Variants in AAAS observed in about 807,000 individuals in gnomAD.
AAAS encodes the protein aladin WD repeat nucleoporin, also known as aladin.
AAAS carries 60 observed loss-of-function variants against 75.6 expected under a neutral mutation model. The observed-to-expected ratio is 0.79, with a 90% CI of 0.64 to 0.98. The LOEUF (loss-of-function observed/expected upper bound fraction) is 0.98. AAAS is among the 50% of genes least tolerant of loss of function. AAAS has a pLI of 0.00. For missense variants in AAAS, 658 were observed against 686.9 expected, an observed-to-expected ratio of 0.96 and a Z score of 0.47; for synonymous variants, 271 against 265.0, an observed-to-expected ratio of 1.02 and a Z score of -0.22.
Position 53,315,364 on chromosome 12 carries a change from G to A in AAAS, c.370C>T (p.Leu124Phe). 6.2e-7 allele frequency: 1 copy of A among 1,614,160 alleles called. No individual in the cohort carries two copies. The highest frequency in any genetic ancestry group is 8.5e-7 in the Non-Finnish European group (1 of 1,180,036). The change falls in exon 4 of 16, where the codon CTC (leucine) becomes TTC (phenylalanine). Residue 124 changes from leucine to phenylalanine, a missense_variant. Physicochemically the swap from Leu to Phe is conservative, Grantham distance 22. Coordinates refer to ENST00000209873, the MANE Select transcript of AAAS (RefSeq NM_015665.6). Reference protein sequence around the residue: ...ALALCRWASSLHGSLFPHLSL... With the variant: ...ALALCRWASSFHGSLFPHLSL... ...AGATGGGGGAACAGGGACCCATGGA[G>A]GGAAGAGGCCCATCGACAGAGTGCC...
Position 53,314,396 on chromosome 12 carries a change from C to G in AAAS, c.591G>C (p.Ala197=). The G allele has an allele frequency of 1.2e-6, 2 of 1,614,128 alleles. No individual in the cohort carries two copies. Among genetic ancestry groups the G allele is most frequent in the Non-Finnish European group, 1.7e-6 (2 of 1,180,010 alleles). The change falls in exon 7 of 16, where the codon GCG becomes GCC. Residue 197 remains alanine, a synonymous_variant. Transcript: ENST00000209873. ...SLKHRLQRNV[A]SLAWKPLSAS... is the part of the protein sequence containing the mutation. ...CACTAAGGGGCTTCCAGGCCAGAGA[C>G]GCCACATTTCGCTGCAGCCGGTGCT... is the stretch of plus-strand genomic sequence containing the variant.
rs201103082 is a variant in AAAS, at chr12:53,308,730, C to T, written c.1082G>A (p.Arg361His). 87 of 1,614,114 alleles carry T rather than the reference C, an allele frequency of 5.4e-5. No homozygotes were observed. The Middle Eastern group carries it at 8.2e-4, about 15-fold the overall frequency. Residue 361 changes from arginine to histidine, a missense_variant, in exon 11 of 16, where the codon CGT becomes CAT. Coordinates refer to ENST00000209873, the MANE Select transcript of AAAS (RefSeq NM_015665.6). ...PLIYSLSFPE[R>H]CGEGKGCVGG... ...GAAGTGTTGCCCTAACTCACCACAA[C>T]GTTCTGGAAAAGACAGGGAGTAAAT... is the stretch of plus-strand genomic sequence containing the variant.
chr12:53,316,764 C>CAAAAAAAAAAAAAAA (rs34520642), intron 2 of AAAS, among the ~76,000 whole-genome samples: 42 of 77,084 alleles, frequency 5.4e-4, no homozygotes, highest in South Asian at 9.6e-4. Flanking sequence ...CCATCTCAGA[C>CAAAAAAAAAAAAAAA]AAAAAAAAAA....
At position 53,315,407 on chromosome 12, in the gene AAAS, C is replaced by T. The variant is rs190876509; in HGVS notation, c.327G>A (p.Thr109=). 93 of 1,613,314 alleles carry T rather than the reference C, an allele frequency of 5.8e-5. No individual in the cohort carries two copies. The highest frequency in any genetic ancestry group is 4.4e-5 in the South Asian group (4 of 91,024). ...SEEEVFEWVK[T]ASGWALALCR... ...AGAGTGCCAGGGCCCAGCCGGATGCCGTCTTCACCCACTCAAACACTGTAG... is the reference window on the plus strand; with the variant it reads ...AGAGTGCCAGGGCCCAGCCGGATGCTGTCTTCACCCACTCAAACACTGTAG... Residue 109 remains threonine (T), a synonymous_variant, in exon 4 of 16, where the codon ACG becomes ACA. Coordinates refer to ENST00000209873, the MANE Select transcript of AAAS (RefSeq NM_015665.6).
chr12:53,314,229 C>T (rs1031770747), intron 7 of AAAS, 69 bp downstream of exon 7: 6 of 1,607,244 alleles, frequency 3.7e-6, no homozygotes, highest in Non-Finnish European at 5.1e-6. Flanking sequence ...TTTCAGACGT[C>T]CTCACCACCC....
Position 53,314,389 on chromosome 12 carries a change from C to G in AAAS, c.598G>C (p.Ala200Pro). 6.2e-7 allele frequency: 1 copy of G among 1,614,148 alleles called. No homozygotes were observed. Among genetic ancestry groups the G allele is most frequent in the Non-Finnish European group, 8.5e-7 (1 of 1,180,014 alleles). ...ACAGAGGCACTAAGGGGCTTCCAGG[C>G]CAGAGACGCCACATTTCGCTGCAGC... ...HRLQRNVASL[A>P]WKPLSASVLA... Residue 200 changes from alanine to proline, a missense_variant, in exon 7 of 16, where the codon GCC becomes CCC. Physicochemically the swap from Ala to Pro is conservative, Grantham distance 27. Coordinates refer to ENST00000209873, the MANE Select transcript of AAAS (RefSeq NM_015665.6).
rs1944356450 is a variant in AAAS, at chr12:53,309,703, G to C, written c.708C>G (p.Ala236=). The change falls in exon 8 of 16, where the codon GCC becomes GCG. Residue 236 remains alanine, a synonymous_variant. Coordinates refer to ENST00000209873, the MANE Select transcript of AAAS (RefSeq NM_015665.6). ...SLSTRPSSGC[A]QVLSHPGHTP... is the part of the protein sequence containing the mutation. ...TATGCCCAGGGTGAGACAGCACTTG[G>C]GCACAGCCAGAAGAGGGTCTGGAGG... The C allele has an allele frequency of 6.2e-7, 1 of 1,613,316 alleles. No individual in the cohort carries two copies. Among genetic ancestry groups the C allele is most frequent in the African/African-American group, 1.3e-5 (1 of 75,036 alleles).
chr12:53,318,387 A>G (rs1944499762), intron 2 of AAAS, among the ~76,000 whole-genome samples: 1 of 151,902 alleles, frequency 6.6e-6, no homozygotes, highest in African/African-American at 2.4e-5. Flanking sequence ...CTCCTGAGTA[A>G]TTAGGATTAC....
chr12:53,321,529 C>T lies in AAAS; in HGVS notation c.-64G>A. 1 of 1,610,406 alleles carries T rather than the reference C, an allele frequency of 6.2e-7. No homozygotes were observed. The highest frequency in any genetic ancestry group is 1.1e-5 in the South Asian group (1 of 91,004). On this transcript the variant is annotated 5_prime_UTR_variant, in exon 1 of 16. Coordinates refer to ENST00000209873, the MANE Select transcript of AAAS (RefSeq NM_015665.6). ...TGGCCGGAACGGCACAGACCGCACTCCCGCAACTCGGTTCCCGGGCTAGAT... is the reference window on the plus strand; with the variant it reads ...TGGCCGGAACGGCACAGACCGCACTTCCGCAACTCGGTTCCCGGGCTAGAT...
intron 7 of AAAS, among the ~76,000 whole-genome samples, chr12:53,310,646 G>A (rs1194173448): frequency 6.6e-6 from 1 of 151,974 alleles, no homozygotes; most frequent in Non-Finnish European, 1.5e-5. Context: ...TGTGTCTGCA[G>A]CTGTGTATTT....
Position 53,321,345 on chromosome 12 carries a change from G to C in AAAS, c.121C>G (p.Gln41Glu). 1 of 1,613,662 alleles carries C rather than the reference G, an allele frequency of 6.2e-7. No individual in the cohort carries two copies. The highest frequency in any genetic ancestry group is 8.5e-7 in the Non-Finnish European group (1 of 1,179,900). The change falls in exon 1 of 16, where the codon CAG becomes GAG. Residue 41 changes from glutamine to glutamate, a missense_variant and splice_region_variant. Coordinates refer to ENST00000209873, the MANE Select transcript of AAAS (RefSeq NM_015665.6). Reference protein sequence around the residue: ...YESPPPDFRGQWINLPVLQLT... With the variant: ...YESPPPDFRGEWINLPVLQLT... ...CCCTCCCTCCTCGCCCTGGCCACCTGGCCCCGGAAGTCGGGGGGCGGGCTC... is the reference window on the plus strand; with the variant it reads ...CCCTCCCTCCTCGCCCTGGCCACCTCGCCCCGGAAGTCGGGGGGCGGGCTC...
chr12:53,320,024 G>A (rs1331884380), intron 2 of AAAS, among the ~76,000 whole-genome samples: 1 of 151,782 alleles, frequency 6.6e-6, no homozygotes, highest in African/African-American at 2.4e-5. Flanking sequence ...GGAGACTGAG[G>A]CAGAAGAATC....
In AAAS at chr12:53,315,792, GA is replaced by G. The variant is rs764236551; in HGVS notation, c.252-11del. 15 of 1,613,364 alleles carry G rather than the reference GA, an allele frequency of 9.3e-6. No homozygotes were observed. In the South Asian group the frequency reaches 1.3e-4, roughly 14 times the overall value. ...AAGGCCCACATCACGCCTGATAAGG[GA>G]GGAAAATGTGGGTCAGCTTACTCTG... On this transcript the variant is annotated splice_polypyrimidine_tract_variant and intron_variant, in intron 2 of 15. Coordinates refer to ENST00000209873, the MANE Select transcript of AAAS (RefSeq NM_015665.6).
intron 7 of AAAS, among the ~76,000 whole-genome samples, chr12:53,311,151 C>T (rs1191775592): frequency 6.6e-6 from 1 of 152,092 alleles, no homozygotes; most frequent in Non-Finnish European, 1.5e-5. Context: ...TCTATGTTGA[C>T]CAAGCTAGTC....
rs113797480 is a variant in AAAS at position 53,311,972 on chromosome 12, G to A, written c.690-2251C>T. 8.1e-3 allele frequency among the ~76,000 whole-genome samples: 1,237 copies of A among 152,000 alleles called. 21 individuals are homozygous for A. Among genetic ancestry groups the A allele is most frequent in the African/African-American group, 0.028 (1,166 of 41,404 alleles). The stretch of plus-strand genomic sequence containing the variant: ...TTTTCTTATAGTACCTATTGTCAAG[G>A]TTTAGGTATCAGGGTTACATTAGCT... On this transcript the variant is annotated intron_variant, in intron 7 of 15. Coordinates refer to ENST00000209873, the MANE Select transcript of AAAS (RefSeq NM_015665.6).
intron 2 of AAAS, among the ~76,000 whole-genome samples, chr12:53,317,655 T>C (rs1480052796): frequency 6.6e-6 from 1 of 151,630 alleles, no homozygotes; most frequent in Admixed American, 6.6e-5. Flanking sequence ...GGCAGAAGAA[T>C]TGCTTGAACC....
chr12:53,315,253 C>G lies in AAAS; in HGVS notation c.399+82G>C, dbSNP rs764597064. ...CCCTCTGAAGTCATCACACCCAACC[C>G]TGACCTGCAAGGATAGGAATGAGGG... On this transcript the variant is annotated intron_variant, in intron 4 of 15. Transcript: ENST00000209873. 3.1e-6 allele frequency: 5 copies of G among 1,598,946 alleles called. No homozygotes were observed. The Admixed American group carries it at 5.0e-5, about 16-fold the overall frequency.
intron 7 of AAAS, among the ~76,000 whole-genome samples, chr12:53,311,262 T>C (rs1944385268): frequency 6.6e-6 from 1 of 152,136 alleles, no homozygotes; most frequent in Non-Finnish European, 1.5e-5. Flanking sequence ...TGTTCATTTA[T>C]TTAAAAAAAT....
In AAAS at chr12:53,307,648, A is replaced by T. The variant is rs761593129; in HGVS notation, c.1482T>A (p.Phe494Leu). 4.3e-6 allele frequency: 7 copies of T among 1,614,208 alleles called. No homozygotes were observed. The highest frequency in any genetic ancestry group is 4.5e-5 in the East Asian group (2 of 44,884). Residue 494 changes from phenylalanine (F) to leucine (L), a missense_variant, in exon 16 of 16, where the codon TTT becomes TTA. By Grantham distance (22) the Phe-to-Leu change is conservative. Transcript: ENST00000209873. Reference protein sequence around the residue: ...LYFVNAQFPRFSPVLGRAQEP... With the variant: ...LYFVNAQFPRLSPVLGRAQEP... Reference sequence around the variant, plus strand: ...CCTGGGCCCGCCCAAGCACTGGGCTAAAACGTGGAAACTGGGCATTGACAA... The same window carrying T: ...CCTGGGCCCGCCCAAGCACTGGGCTTAAACGTGGAAACTGGGCATTGACAA...
Sources: allele counts gnomAD v4.1 joint callset (sites outside exome capture counted in the v4.1 genomes callset), GRCh38; gene constraint gnomAD v4.1.1; transcripts MANE v1.5; gene names NCBI Gene and HGNC (gene_info 2026-07-23, HGNC 2026-07-21).